The following NKAIN3 variants were observed in gnomAD, a reference collection of about 807,000 sequenced individuals.
NKAIN3 encodes the protein sodium/potassium transporting ATPase interacting 3.
NKAIN3 carries 25 observed loss-of-function variants against 30.2 expected under a neutral mutation model. The observed-to-expected ratio is 0.83, with a 90% CI of 0.60 to 1.16. The LOEUF (loss-of-function observed/expected upper bound fraction) is 1.16, where lower values mean the gene tolerates loss of function less well. Among genes scored for constraint, NKAIN3 ranks in the 50% most tolerant of loss-of-function variants. NKAIN3 has a pLI of 0.00. For synonymous variants in NKAIN3, 91 were observed against 89.6 expected, an observed-to-expected ratio of 1.02 and a Z score of -0.09; for missense variants, 225 against 254.1, an observed-to-expected ratio of 0.89 and a Z score of 0.78.
chr8:62,983,989 A>G lies in NKAIN3; in HGVS notation c.*18582A>G, dbSNP rs1824146090. The G allele has an allele frequency of 6.6e-6, 1 of 152,242 alleles. No individual in the cohort carries two copies. The highest frequency in any genetic ancestry group is 1.5e-5 in the Non-Finnish European group (1 of 68,042). 9.4% of individuals were successfully genotyped at this position (152,242 alleles called of 1,614,324 possible). On this transcript the variant is annotated 3_prime_UTR_variant, in exon 7 of 7. Coordinates refer to ENST00000623646, the MANE Select transcript of NKAIN3 (RefSeq NM_001304533.3). Reference sequence around the variant, plus strand: ...GACTAGGCAACTAAAGGAACTCAGTAAAAGATCAAAAGCAATGCTCAAAGG... The same window carrying G: ...GACTAGGCAACTAAAGGAACTCAGTGAAAGATCAAAAGCAATGCTCAAAGG...
Position 62,316,445 on chromosome 8 carries a change from C to G in NKAIN3, c.54+67318C>G, listed in dbSNP as rs1040634846. ...TCCCCCCCCTCCTCCCACCCCACAA[C>G]AGTCCCCACTCTGTGATGTTCCCCT... On this transcript the variant is annotated intron_variant, in intron 1 of 6. Coordinates refer to ENST00000623646, the MANE Select transcript of NKAIN3 (RefSeq NM_001304533.3). 3.3e-5 allele frequency among the ~76,000 whole-genome samples: 5 copies of G among 150,534 alleles called. No homozygotes were observed. The East Asian group carries it at 9.8e-4, about 29-fold the overall frequency.
At chr8:62,651,323 A>G (rs141696814) in intron 3 of NKAIN3, among the ~76,000 whole-genome samples, 53 of 152,312 alleles carry the variant, frequency 3.5e-4, no homozygotes, top group African/African-American at 1.0e-3. Flanking sequence ...TTTGATTGCT[A>G]AAGAAAGACA....
intron 1 of NKAIN3, among the ~76,000 whole-genome samples, chr8:62,340,112 TG>T (rs1815693511): frequency 6.6e-6 from 1 of 152,124 alleles, no homozygotes; most frequent in Non-Finnish European, 1.5e-5. Flanking sequence ...CATAGAAGCC[TG>T]CAGGAAAACT....
intron 1 of NKAIN3, among the ~76,000 whole-genome samples, chr8:62,328,473 G>GT (rs537114355): frequency 4.5e-4 from 68 of 151,856 alleles, no homozygotes; most frequent in African/African-American, 1.4e-3. Context: ...TGTTTGGTTA[G>GT]TTTTTTTTCT....
At chr8:62,871,579 T>C (rs1294966750) in intron 4 of NKAIN3, among the ~76,000 whole-genome samples, 2 of 152,232 alleles carry the variant, frequency 1.3e-5, no homozygotes, top group South Asian at 2.1e-4. Context: ...CCAGAACTTA[T>C]TCATTTTATA....
chr8:62,735,592 T>C (rs1815636053), intron 3 of NKAIN3, among the ~76,000 whole-genome samples: 1 of 152,224 alleles, frequency 6.6e-6, no homozygotes, highest in African/African-American at 2.4e-5. Flanking sequence ...CACCTTTCTT[T>C]GGTGCCTCGT....
intron 1 of NKAIN3, among the ~76,000 whole-genome samples, chr8:62,538,259 C>T (rs1488095465): frequency 6.6e-6 from 1 of 152,120 alleles, no homozygotes; most frequent in African/African-American, 2.4e-5. Context: ...ACTGCAGCAT[C>T]GACCTCTCAG....
chr8:62,321,202 C>G (rs1482502802), intron 1 of NKAIN3, among the ~76,000 whole-genome samples: 2 of 152,152 alleles, frequency 1.3e-5, no homozygotes, highest in Non-Finnish European at 2.9e-5. Context: ...TTAAGGACTT[C>G]TCTGCATTGG....
At chr8:62,890,534 G>T (rs1821269661) in intron 4 of NKAIN3, among the ~76,000 whole-genome samples, 2 of 152,176 alleles carry the variant, frequency 1.3e-5, no homozygotes, top group African/African-American at 4.8e-5. Context: ...CACAATGAAA[G>T]TACTTTATTT....
At chr8:62,591,356 T>A (rs1284179916) in intron 3 of NKAIN3, among the ~76,000 whole-genome samples, 2 of 151,786 alleles carry the variant, frequency 1.3e-5, no homozygotes, top group Non-Finnish European at 2.9e-5. Context: ...CTCCATGGAG[T>A]CTCTATGAAA....
intron 3 of NKAIN3, among the ~76,000 whole-genome samples, chr8:62,660,730 C>T (rs971254084): frequency 6.6e-6 from 1 of 152,222 alleles, no homozygotes; most frequent in African/African-American, 2.4e-5. Context: ...GGGCATATTA[C>T]AGTACAGTAG....
intron 4 of NKAIN3, among the ~76,000 whole-genome samples, chr8:62,895,723 T>C (rs1304349472): frequency 1.3e-5 from 2 of 152,134 alleles, no homozygotes; most frequent in African/African-American, 4.8e-5. Context: ...TATTTCTGAT[T>C]GTGCCAGTAG....
intron 1 of NKAIN3, among the ~76,000 whole-genome samples, chr8:62,294,338 G>A (rs1307501210): frequency 1.3e-5 from 2 of 152,142 alleles, no homozygotes; most frequent in African/African-American, 4.8e-5. Context: ...TTCCTATTCA[G>A]CCATCTTCAG....
intron 3 of NKAIN3, among the ~76,000 whole-genome samples, chr8:62,656,118 C>G (rs978534096): frequency 6.6e-6 from 1 of 152,050 alleles, no homozygotes; most frequent in Non-Finnish European, 1.5e-5. Context: ...GCAGTGGCCT[C>G]GCCTTCATGG....
At chr8:62,578,323 T>C (rs79657874) in intron 1 of NKAIN3, among the ~76,000 whole-genome samples, 1 of 152,066 alleles carries the variant, frequency 6.6e-6, no homozygotes, top group East Asian at 1.9e-4. Flanking sequence ...TGTTTTAAAA[T>C]GTAGATGTAT....
intron 1 of NKAIN3, among the ~76,000 whole-genome samples, chr8:62,404,758 T>G (rs886468043): frequency 6.6e-6 from 1 of 152,206 alleles, no homozygotes; most frequent in African/African-American, 2.4e-5. Flanking sequence ...CTACTGTGCC[T>G]GAGCTCTTAC....
intron 3 of NKAIN3, among the ~76,000 whole-genome samples, chr8:62,723,091 C>T (rs1419856482): frequency 6.6e-6 from 1 of 152,028 alleles, no homozygotes; most frequent in South Asian, 2.1e-4. Context: ...GATTCAAAAC[C>T]AATCAGCTGC....
At chr8:62,473,721 G>A (rs1475384719) in intron 1 of NKAIN3, among the ~76,000 whole-genome samples, 1 of 151,942 alleles carries the variant, frequency 6.6e-6, no homozygotes, top group African/African-American at 2.4e-5. Flanking sequence ...ACATTATGTG[G>A]CAATTTTTGA....
At chr8:62,861,214 G>C (rs925172451) in intron 4 of NKAIN3, among the ~76,000 whole-genome samples, 4 of 152,146 alleles carry the variant, frequency 2.6e-5, no homozygotes, top group Non-Finnish European at 5.9e-5. Flanking sequence ...AGTTCAATAA[G>C]GATACTGGCC....
Sources: gnomAD v4.1 joint callset for allele counts (sites outside exome capture counted in the v4.1 genomes callset) on GRCh38, gnomAD v4.1.1 for gene constraint, MANE v1.5 for transcripts, NCBI Gene and HGNC (gene_info 2026-07-23, HGNC 2026-07-21) for gene names.